The following DDX31 variants were observed in gnomAD, a reference collection of about 807,000 sequenced individuals.
DDX31 encodes ATP-dependent DNA helicase DDX31.
A neutral mutation model predicts 91.3 loss-of-function variants in DDX31; 70 were observed. The observed-to-expected ratio is 0.77, with a 90% CI of 0.63 to 0.94. DDX31 has a LOEUF of 0.94. Ranked by LOEUF, DDX31 falls within the 40% of genes least tolerant of loss-of-function variation. DDX31 has a pLI of 0.00. For missense variants in DDX31, 902 were observed against 925.0 expected (o/e 0.98, Z 0.32); for synonymous variants, 362 against 350.6 (o/e 1.03, Z -0.36).
Position 132,652,488 on chromosome 9 carries a change from C to A in DDX31, c.593G>T (p.Ser198Ile). 1 of 1,614,128 alleles carries A rather than the reference C, an allele frequency of 6.2e-7. No individual in the cohort carries two copies. Among genetic ancestry groups the A allele is most frequent in the Non-Finnish European group, 8.5e-7 (1 of 1,180,028 alleles). ...GAGCACCAGGGCATAGGGGCCATCACTGCGCTGTTGACACACAGAAAAAAA... is the reference window on the plus strand; with the variant it reads ...GAGCACCAGGGCATAGGGGCCATCAATGCGCTGTTGACACACAGAAAAAAA... Reference protein sequence around the residue: ...LQAMESKIQRSDGPYALVLVP... With the variant: ...LQAMESKIQRIDGPYALVLVP... Residue 198 changes from serine to isoleucine, a missense_variant, in exon 7 of 20, where the codon AGT becomes ATT. Ser to Ile is a moderately radical substitution (Grantham distance 142, BLOSUM62 -2). Coordinates refer to ENST00000372159, the MANE Select transcript of DDX31 (RefSeq NM_022779.9).
chr9:132,606,617 C>T (rs1160675192), intron 19 of DDX31, among the ~76,000 whole-genome samples: 3 of 152,144 alleles, frequency 2.0e-5, no homozygotes, highest in Admixed American at 2.0e-4. Flanking sequence ...TGGCTTAACC[C>T]CCACAATCAA....
intron 19 of DDX31, among the ~76,000 whole-genome samples, chr9:132,600,910 A>G (rs1830688622): frequency 6.6e-6 from 1 of 152,230 alleles, no homozygotes; most frequent in African/African-American, 2.4e-5. Flanking sequence ...GCACAGGCAC[A>G]TGGCCAGTAT....
rs1412050651 is a variant in DDX31, at chr9:132,648,507, A to AG, written c.784dup (p.Leu262ProfsTer14). On this transcript the variant is annotated frameshift_variant, in exon 10 of 20. Transcript: ENST00000372159. LOFTEE classifies it high-confidence loss of function. Reference sequence around the variant, plus strand: ...CTTTGTGGATTTTATATGATCCACCAGGCGTCCAGGAGTTGAGATAAGGAT... The same window carrying AG: ...CTTTGTGGATTTTATATGATCCACCAGGGCGTCCAGGAGTTGAGATAAGGAT... The AG allele has an allele frequency of 6.2e-6, 10 of 1,613,838 alleles. No homozygotes were observed. Among genetic ancestry groups the AG allele is most frequent in the Admixed American group, 5.0e-5 (3 of 59,982 alleles).
chr9:132,613,824 G>A (rs1037960403), intron 18 of DDX31, among the ~76,000 whole-genome samples: 1 of 152,174 alleles, frequency 6.6e-6, no homozygotes, highest in African/African-American at 2.4e-5. Context: ...ATTCCCTTGA[G>A]GAAAGATTCT....
At chr9:132,600,549 G>A (rs1435627252) in intron 19 of DDX31, among the ~76,000 whole-genome samples, 3 of 152,184 alleles carry the variant, frequency 2.0e-5, no homozygotes, top group Non-Finnish European at 2.9e-5. Context: ...GAGAAAAACC[G>A]CGGATGGCCC....
intron 18 of DDX31, among the ~76,000 whole-genome samples, chr9:132,615,173 G>A (rs1380655025): frequency 2.6e-5 from 4 of 152,178 alleles, no homozygotes; most frequent in African/African-American, 9.6e-5. Flanking sequence ...ACTACTTAAG[G>A]TGCCTGAATT....
chr9:132,634,059 C>T (rs561763316), intron 14 of DDX31, among the ~76,000 whole-genome samples: 1 of 152,186 alleles, frequency 6.6e-6, no homozygotes, highest in African/African-American at 2.4e-5. Flanking sequence ...GGAGGAGTAA[C>T]GACACCCAAA....
intron 13 of DDX31, among the ~76,000 whole-genome samples, chr9:132,645,358 C>G (rs149606466): frequency 6.7e-4 from 102 of 152,274 alleles, no homozygotes; most frequent in African/African-American, 2.4e-3. Context: ...AACTGGGAAC[C>G]CGAAGCCCCT....
intron 19 of DDX31, among the ~76,000 whole-genome samples, chr9:132,605,967 T>G (rs1371706135): frequency 1.3e-5 from 2 of 151,758 alleles, no homozygotes; most frequent in Non-Finnish European, 2.9e-5. Context: ...TTTCAGAGGT[T>G]CGGATGGAGC....
At chr9:132,606,534 T>C (rs1180797357) in intron 19 of DDX31, among the ~76,000 whole-genome samples, 1 of 152,214 alleles carries the variant, frequency 6.6e-6, no homozygotes, top group Non-Finnish European at 1.5e-5. Flanking sequence ...TGCGACAATA[T>C]GGTCGTTGTG....
rs1157177519 is a variant in DDX31, at chr9:132,655,772, AAAC to A, written c.588+2896_588+2898del. Among the ~76,000 whole-genome samples the A allele has an allele frequency of 7.9e-5, 12 of 152,368 alleles. No homozygotes were observed. In the East Asian group the frequency reaches 2.1e-3, roughly 27 times the overall value. Reference sequence around the variant, plus strand: ...CTCAAAGACACTGAATGAATGAACAAAACAACGTTACTGCCAAAGCTAAGCACA... The same window carrying A: ...CTCAAAGACACTGAATGAATGAACAAAACGTTACTGCCAAAGCTAAGCACA... On this transcript the variant is annotated intron_variant, in intron 6 of 19. Coordinates refer to ENST00000372159, the MANE Select transcript of DDX31 (RefSeq NM_022779.9).
chr9:132,654,474 G>A (rs896081692), intron 6 of DDX31, among the ~76,000 whole-genome samples: 9 of 152,132 alleles, frequency 5.9e-5, no homozygotes, highest in East Asian at 1.9e-4. Flanking sequence ...TTAGCCAGGC[G>A]TGGTGGTGCA....
rs2130790470 is a variant in DDX31 at position 132,651,095 on chromosome 9, T to C, written c.655A>G (p.Thr219Ala). 6.2e-7 allele frequency: 1 copy of C among 1,612,068 alleles called. No individual in the cohort carries two copies. Residue 219 changes from threonine to alanine, a missense_variant, in exon 8 of 20, where the codon ACT (threonine) becomes GCT (alanine). Transcript: ENST00000372159. ...CTTACCTTAAGCAGTTTCTGGACAG[T>C]GTCAAAGCTTTGTAGAGCTAGCTGT... is the stretch of plus-strand genomic sequence containing the variant. ...TRELALQSFD[T>A]VQKLLKPFTW...
intron 19 of DDX31, among the ~76,000 whole-genome samples, chr9:132,606,574 G>A (rs533660106): frequency 1.7e-4 from 26 of 152,286 alleles, no homozygotes; most frequent in Admixed American, 1.1e-3. Context: ...GCTTATTCCC[G>A]TGCCGGACAC....
intron 14 of DDX31, 124 bp from the exon 15 acceptor site, chr9:132,632,215 G>A (rs1832776963): frequency 2.5e-6 from 1 of 394,266 alleles, no homozygotes; most frequent in Non-Finnish European, 4.5e-6. Flanking sequence ...GCACATTCGG[G>A]CATACACGTA....
At chr9:132,658,630 T>C (rs1348699860) in intron 6 of DDX31, 41 bp downstream of exon 6, 3 of 1,563,264 alleles carry the variant, frequency 1.9e-6, no homozygotes, top group South Asian at 1.1e-5. Context: ...TGGTTGCTTA[T>C]GCACTATGAG....
chr9:132,644,429 C>T (rs1317873626), intron 13 of DDX31, among the ~76,000 whole-genome samples: 1 of 152,160 alleles, frequency 6.6e-6, no homozygotes, highest in East Asian at 1.9e-4. Context: ...ATTTTACAGA[C>T]ATGGAAACTA....
chr9:132,607,576 T>G (rs150548539), intron 19 of DDX31, among the ~76,000 whole-genome samples: 1 of 152,224 alleles, frequency 6.6e-6, no homozygotes, highest in Non-Finnish European at 1.5e-5. Flanking sequence ...CAAAAACTAC[T>G]GTGTGAGCAC....
intron 1 of DDX31, among the ~76,000 whole-genome samples, chr9:132,667,633 G>T (rs1001755630): frequency 7.5e-6 from 1 of 133,164 alleles, no homozygotes; most frequent in African/African-American, 3.5e-5. Context: ...AACAAAAAAC[G>T]TAGATCTAGA....
Sources: gnomAD v4.1 joint callset for allele counts (sites outside exome capture counted in the v4.1 genomes callset) on GRCh38, gnomAD v4.1.1 for gene constraint, MANE v1.5 for transcripts, NCBI Gene and HGNC (gene_info 2026-07-23, HGNC 2026-07-21) for gene names.